Variants in NBPF3 observed in about 807,000 individuals in gnomAD.
NBPF3 encodes the protein NBPF member 3.
A neutral mutation model predicts 78.1 loss-of-function variants in NBPF3; 57 were observed. The observed-to-expected ratio is 0.73, with a 90% CI of 0.59 to 0.91. NBPF3 has a LOEUF of 0.91. Among genes scored for constraint, NBPF3 ranks in the 40% least tolerant of loss-of-function variants. The pLI is 0.00. For synonymous variants in NBPF3, 182 were observed against 271.7 expected (o/e 0.67, Z 3.25); for missense variants, 510 against 715.3 (o/e 0.71, Z 3.27).
chr1:21,471,907 A>C, intron 5 of NBPF3, 124 bp downstream of exon 5: 1 of 1,291,364 alleles, frequency 7.7e-7, no homozygotes, highest in East Asian at 2.4e-5. Flanking sequence ...TGTGGCCGTG[A>C]CATAAGTGAC....
rs537755362 is a variant in NBPF3 at position 21,455,296 on chromosome 1, A to G, written c.133+10077A>G. ...TGTTTTTGCCATAAATTGTAACACA[A>G]TCGCAGGAGTGACATCTCCTCAGTG... On this transcript the variant is annotated intron_variant, in intron 2 of 14. Transcript: ENST00000318249. Among the ~76,000 whole-genome samples, 6 of 152,364 alleles carry G rather than the reference A, an allele frequency of 3.9e-5. No individual in the cohort carries two copies. The South Asian group carries it at 1.2e-3, about 32-fold the overall frequency.
In NBPF3 at chr1:21,468,677, C is replaced by T. The variant is rs369646566; in HGVS notation, c.134-11C>T. ...TTTAACCCATCGTGTGTTTGGGTGT[C>T]TTCTCCCCAGTCCCTGGCCCCACCT... is the stretch of plus-strand genomic sequence containing the variant. On this transcript the variant is annotated splice_polypyrimidine_tract_variant and intron_variant, in intron 2 of 14. Coordinates refer to ENST00000318249, the MANE Select transcript of NBPF3 (RefSeq NM_032264.6). The T allele has an allele frequency of 1.9e-5, 31 of 1,612,410 alleles. No homozygotes were observed. The highest frequency in any genetic ancestry group is 2.6e-5 in the Non-Finnish European group (31 of 1,178,862).
At chr1:21,445,503 C>T (rs1367044931) in intron 2 of NBPF3, among the ~76,000 whole-genome samples, 2 of 151,962 alleles carry the variant, frequency 1.3e-5, no homozygotes, top group Non-Finnish European at 2.9e-5. Flanking sequence ...TCCCTCTCCC[C>T]GCTCTTCCCC....
intron 2 of NBPF3, among the ~76,000 whole-genome samples, chr1:21,449,250 A>G (rs1641161998): frequency 6.6e-6 from 1 of 152,086 alleles, no homozygotes; most frequent in African/African-American, 2.4e-5. Flanking sequence ...AGCAGAGAAG[A>G]GATTGCATTC....
At chr1:21,479,998 T>C (rs577355044) in intron 10 of NBPF3, 53 bp from the exon 11 acceptor site, 1 of 862,446 alleles carries the variant, frequency 1.2e-6, no homozygotes, top group African/African-American at 1.6e-5. Context: ...TAGCTGGGGC[T>C]GTGTGGTTTC....
rs1643382296 is a variant in NBPF3, at chr1:21,484,782, G to T, written c.*1396G>T. 2 of 62,584 alleles carry T rather than the reference G, an allele frequency of 3.2e-5. No individual in the cohort carries two copies. The highest frequency in any genetic ancestry group is 4.2e-5 in the African/African-American group (1 of 23,860). 3.9% of individuals were successfully genotyped at this position (62,584 alleles called of 1,614,324 possible). A position where few individuals can be genotyped will look rare whatever the true frequency, so the allele number is the denominator to read the frequency against. On this transcript the variant is annotated 3_prime_UTR_variant, in exon 15 of 15. Transcript: ENST00000318249. ...TACGCTGGAAATTTGCTGCCTCAAT[G>T]TTTACTGTGCCTTTGTTTTTGCTAG...
chr1:21,436,914 A>G (rs1044212579), upstream of NBPF3: 4 of 321,730 alleles, frequency 1.2e-5, no homozygotes, highest in Non-Finnish European at 2.2e-5. This position sits in a 1 kb window ranked among gnomAD's most constrained non-coding sequence, Gnocchi z 4.3. Flanking sequence ...CCGGCGGAGG[A>G]GTCTGAGCGC....
chr1:21,438,037 C>T (rs1395548970), upstream of NBPF3, among the ~76,000 whole-genome samples: 1 of 151,962 alleles, frequency 6.6e-6, no homozygotes, highest in Non-Finnish European at 1.5e-5. Context: ...TCAGGCTGGT[C>T]TTGAACTCCC....
intron 1 of NBPF3, among the ~76,000 whole-genome samples, chr1:21,440,630 G>A (rs917722203): frequency 2.0e-5 from 3 of 152,174 alleles, no homozygotes; most frequent in Admixed American, 6.5e-5. Flanking sequence ...CAGCTTCGGG[G>A]GCACGTCCTC....
chr1:21,480,666 G>A (rs1173180276), intron 11 of NBPF3, among the ~76,000 whole-genome samples: 2 of 152,312 alleles, frequency 1.3e-5, no homozygotes, highest in African/African-American at 2.4e-5. Context: ...GGAGCAATAA[G>A]GCATAACTGT....
intron 2 of NBPF3, among the ~76,000 whole-genome samples, chr1:21,447,269 C>A (rs13374922): frequency 0.044 from 6,739 of 152,188 alleles, 169 homozygotes; most frequent in Middle Eastern, 0.065. Context: ...ATCATTATCC[C>A]CTAAAGTCCA....
chr1:21,465,618 G>A (rs1642218271), intron 2 of NBPF3, among the ~76,000 whole-genome samples: 3 of 152,306 alleles, frequency 2.0e-5, no homozygotes, highest in Admixed American at 6.5e-5. Context: ...GCAGAGACAC[G>A]AGCCCTTCGG....
intron 10 of NBPF3, among the ~76,000 whole-genome samples, chr1:21,479,820 C>CTCTGTGTGTGTGTGTGTGTGTG (rs766796014): frequency 2.8e-4 from 29 of 102,882 alleles, no homozygotes; most frequent in African/African-American, 7.4e-4. Flanking sequence ...CTCTCTCTCT[C>CTCTGTGTGTGTGTGTGTGTGTG]TGTGTGTGTG....
At chr1:21,436,816 A>G, upstream of NBPF3, 1 of 990,212 alleles carries the variant, frequency 1.0e-6, no homozygotes, top group Non-Finnish European at 1.3e-6. The surrounding 1 kb of genome is among the most constrained non-coding windows in gnomAD (Gnocchi z 4.3). Context: ...CCAGGTAGGA[A>G]GGGGCTTGAG....
At chr1:21,466,733 AC>A (rs1419906217) in intron 2 of NBPF3, among the ~76,000 whole-genome samples, 2 of 150,360 alleles carry the variant, frequency 1.3e-5, no homozygotes, top group Admixed American at 6.7e-5. Context: ...CATCACAAAA[AC>A]CAAAAAAAAA....
At position 21,476,924 on chromosome 1, in the gene NBPF3, A is replaced by G. The variant is rs1277468781; in HGVS notation, c.993-1220A>G. 6.6e-6 allele frequency among the ~76,000 whole-genome samples: 1 copy of G among 152,184 alleles called. No individual in the cohort carries two copies. The highest frequency in any genetic ancestry group is 1.5e-5 in the Non-Finnish European group (1 of 68,030). On this transcript the variant is annotated intron_variant, in intron 8 of 14. Transcript: ENST00000318249. This position sits in a 1 kb window ranked among gnomAD's most constrained non-coding sequence, Gnocchi z 4.1. ...ACTTTCAGGTACACCAATCAAATGT[A>G]GATTTGGTCTTTTCACATAGTCCCA...
chr1:21,462,457 A>G (rs953657038), intron 2 of NBPF3, among the ~76,000 whole-genome samples: 3 of 152,220 alleles, frequency 2.0e-5, no homozygotes, highest in African/African-American at 7.2e-5. Context: ...AAGAACTGTT[A>G]GCATACAACA....
upstream of NBPF3, among the ~76,000 whole-genome samples, chr1:21,438,141 C>T (rs1193866135): frequency 1.3e-5 from 2 of 150,654 alleles, no homozygotes; most frequent in Non-Finnish European, 2.9e-5. Flanking sequence ...AAGATGGAGT[C>T]TCACTCTGTC....
At chr1:21,479,531 T>G in intron 10 of NBPF3, 131 bp downstream of exon 10, 1 of 832,598 alleles carries the variant, frequency 1.2e-6, no homozygotes. Flanking sequence ...CTACTAACAT[T>G]GCTTTTGGTT....
Sources: gnomAD v4.1 joint callset for allele counts (sites outside exome capture counted in the v4.1 genomes callset) on GRCh38, gnomAD v4.1.1 for gene constraint, Gnocchi (gnomAD v3.1) non-coding constraint, MANE v1.5 for transcripts, NCBI Gene and HGNC (gene_info 2026-07-23, HGNC 2026-07-21) for gene names.